The following KCNIP1 variants were observed in gnomAD, a reference collection of about 807,000 sequenced individuals.
KCNIP1 encodes A-type potassium channel modulatory protein KCNIP1.
In KCNIP1, 18 loss-of-function variants were observed where a neutral mutation model predicts 33.0. The observed-to-expected ratio is 0.55, with a 90% CI of 0.38 to 0.81. KCNIP1 has a LOEUF of 0.81. Ranked by LOEUF, KCNIP1 falls within the 30% of genes least tolerant of loss-of-function variation. The probability of loss-of-function intolerance (pLI) is 0.00; values close to 1 mark genes in which losing one functional copy is unlikely to be tolerated. For missense variants in KCNIP1, 238 were observed against 271.6 expected, an observed-to-expected ratio of 0.88 and a Z score of 0.87; for synonymous variants, 93 against 98.3, an observed-to-expected ratio of 0.95 and a Z score of 0.32.
chr5:170,655,431 C>T (rs140573056), intron 1 of KCNIP1, among the ~76,000 whole-genome samples: 1 of 152,266 alleles, frequency 6.6e-6, no homozygotes, highest in Non-Finnish European at 1.5e-5. Flanking sequence ...TCAGTTTCTC[C>T]CCGGATCCCA....
intron 1 of KCNIP1, among the ~76,000 whole-genome samples, chr5:170,402,478 T>C (rs750413163): frequency 2.0e-5 from 3 of 152,154 alleles, no homozygotes; most frequent in Non-Finnish European, 4.4e-5. Flanking sequence ...CTCTAGGTGG[T>C]TGCTGGGGGA....
At chr5:170,665,675 TC>T (rs1344734862) in intron 1 of KCNIP1, among the ~76,000 whole-genome samples, 19 of 152,190 alleles carry the variant, frequency 1.2e-4, no homozygotes, top group African/African-American at 4.3e-4. Context: ...TTACCTGAAG[TC>T]CTTTTTCTAG....
chr5:170,561,851 A>G (rs1396774554), intron 1 of KCNIP1, among the ~76,000 whole-genome samples: 3 of 152,252 alleles, frequency 2.0e-5, no homozygotes, highest in South Asian at 4.1e-4. Context: ...ATGCTCTTCA[A>G]ATTACCATGG....
intron 1 of KCNIP1, among the ~76,000 whole-genome samples, chr5:170,671,323 A>G (rs1761914114): frequency 6.6e-6 from 1 of 152,140 alleles, no homozygotes; most frequent in Non-Finnish European, 1.5e-5. Context: ...CCTTTGGTTC[A>G]TTCCTAGACA....
At chr5:170,499,120 T>C (rs1266119191), upstream of KCNIP1, among the ~76,000 whole-genome samples, 1 of 152,100 alleles carries the variant, frequency 6.6e-6, no homozygotes, top group Non-Finnish European at 1.5e-5. Flanking sequence ...ATTTGGGAAA[T>C]GGTACAAGAC....
chr5:170,462,291 A>C (rs1756522606), intron 1 of KCNIP1, among the ~76,000 whole-genome samples: 1 of 147,858 alleles, frequency 6.8e-6, no homozygotes, highest in African/African-American at 2.5e-5. Context: ...AAAAACTACC[A>C]AAAAAAATCA....
At chr5:170,386,684 G>A (rs1561598714) in intron 1 of KCNIP1, among the ~76,000 whole-genome samples, 1 of 151,292 alleles carries the variant, frequency 6.6e-6, no homozygotes, top group East Asian at 1.9e-4. Context: ...CCATATTCCG[G>A]TGTTTTTTTT....
At chr5:170,591,634 AC>A (rs1304475417) in intron 1 of KCNIP1, among the ~76,000 whole-genome samples, 1 of 152,078 alleles carries the variant, frequency 6.6e-6, no homozygotes, top group African/African-American at 2.4e-5. Flanking sequence ...CCTAGCAACT[AC>A]CATTCTATTT....
intron 1 of KCNIP1, among the ~76,000 whole-genome samples, chr5:170,705,894 T>G (rs762230335): frequency 3.3e-5 from 5 of 152,170 alleles, no homozygotes; most frequent in Non-Finnish European, 7.3e-5. Context: ...AAGATGGAAA[T>G]AACATTTTTG....
chr5:170,726,984 C>T (rs1296110946), intron 5 of KCNIP1, among the ~76,000 whole-genome samples: 2 of 152,044 alleles, frequency 1.3e-5, no homozygotes, highest in Admixed American at 1.3e-4. Context: ...ATATGTAATT[C>T]CATAAAGACT....
At chr5:170,496,022 G>T (rs996105648) in intron 1 of KCNIP1, among the ~76,000 whole-genome samples, 3 of 152,202 alleles carry the variant, frequency 2.0e-5, no homozygotes, top group Admixed American at 1.3e-4. Flanking sequence ...AGGGTCAGGG[G>T]CATGCTCATC....
At chr5:170,633,552 A>C (rs544687462) in intron 1 of KCNIP1, among the ~76,000 whole-genome samples, 2 of 149,496 alleles carry the variant, frequency 1.3e-5, no homozygotes, top group South Asian at 4.4e-4. Context: ...CAGGATGGAA[A>C]ATGAAGAATC....
At chr5:170,588,263 G>A (rs780845995) in intron 1 of KCNIP1, among the ~76,000 whole-genome samples, 3 of 152,206 alleles carry the variant, frequency 2.0e-5, no homozygotes, top group South Asian at 2.1e-4. Flanking sequence ...ATGAGGGACC[G>A]AGGCACAGAG....
intron 1 of KCNIP1, among the ~76,000 whole-genome samples, chr5:170,459,276 A>C (rs1335474078): frequency 1.3e-5 from 2 of 152,210 alleles, no homozygotes; most frequent in East Asian, 1.9e-4. Flanking sequence ...ACAGCACTAG[A>C]CAGGTCATCA....
chr5:170,408,821 G>T (rs1469720965), intron 1 of KCNIP1, among the ~76,000 whole-genome samples: 1 of 152,240 alleles, frequency 6.6e-6, no homozygotes, highest in South Asian at 2.1e-4. Flanking sequence ...GAGCAGCAGA[G>T]TGAAGGCTCA....
At chr5:170,627,479 T>C (rs1382242573) in intron 1 of KCNIP1, among the ~76,000 whole-genome samples, 4 of 152,192 alleles carry the variant, frequency 2.6e-5, no homozygotes, top group Admixed American at 1.3e-4. Flanking sequence ...CTTCCCACAG[T>C]GCCCAGCTGT....
chr5:170,385,228 G>A (rs888539969), intron 1 of KCNIP1: 2 of 1,426,710 alleles, frequency 1.4e-6, no homozygotes, highest in East Asian at 2.3e-5. Flanking sequence ...GTCAAGGAGA[G>A]GGGTGAGTAG....
intron 1 of KCNIP1, among the ~76,000 whole-genome samples, chr5:170,471,305 A>C (rs1756721045): frequency 6.6e-6 from 1 of 152,132 alleles, no homozygotes; most frequent in South Asian, 2.1e-4. Context: ...TATTGTGGAA[A>C]ACCCAAATAA....
intron 1 of KCNIP1, among the ~76,000 whole-genome samples, chr5:170,511,549 A>G (rs1195845204): frequency 6.6e-6 from 1 of 152,246 alleles, no homozygotes; most frequent in Non-Finnish European, 1.5e-5. Context: ...TGGTAAAAGC[A>G]ATTCCCAACA....
Sources: gnomAD v4.1 joint callset for allele counts (sites outside exome capture counted in the v4.1 genomes callset) on GRCh38, gnomAD v4.1.1 for gene constraint, MANE v1.5 for transcripts, NCBI Gene and HGNC (gene_info 2026-07-23, HGNC 2026-07-21) for gene names.